Variants in CHD5 observed in about 807,000 individuals in gnomAD.
CHD5 encodes ATP-dependent chromatin remodeler CHD5.
Under a neutral mutation model 230.3 loss-of-function variants are expected in CHD5, and 69 were observed. The ratio of observed to expected loss-of-function variants is 0.30; its 90% confidence interval spans 0.25 to 0.37. CHD5 has a LOEUF of 0.37. Ranked by LOEUF, CHD5 falls within the 10% of genes least tolerant of loss-of-function variation. The pLI is 1.00. For synonymous variants in CHD5, 1,064 were observed against 1,065.9 expected (o/e 1.00, Z 0.03); for missense variants, 1,827 against 2,622.8 (o/e 0.70, Z 6.63).
At chr1:6,169,281 C>T (rs902161606) in intron 1 of CHD5, among the ~76,000 whole-genome samples, 4 of 152,256 alleles carry the variant, frequency 2.6e-5, no homozygotes, top group Non-Finnish European at 2.9e-5. Context: ...AAGCGCATTC[C>T]AGCTGGGCAC....
intron 36 of CHD5, among the ~76,000 whole-genome samples, chr1:6,110,932 G>A (rs1234930808): frequency 6.6e-6 from 1 of 152,192 alleles, no homozygotes; most frequent in African/African-American, 2.4e-5. Flanking sequence ...ATGCTTGTAA[G>A]AAGAGGAAAA....
chr1:6,169,033 A>AAAG (rs1260691628), intron 1 of CHD5, among the ~76,000 whole-genome samples: 1 of 143,766 alleles, frequency 7.0e-6, no homozygotes, highest in African/African-American at 2.8e-5. Context: ...AAAAAAAAAA[A>AAAG]AGAGAGAGAG....
Position 6,148,880 on chromosome 1 carries a change from C to T in CHD5, c.1357G>A (p.Gly453Ser). 1.9e-6 allele frequency: 3 copies of T among 1,581,752 alleles called. No homozygotes were observed. Among genetic ancestry groups the T allele is most frequent in the Non-Finnish European group, 2.6e-6 (3 of 1,163,176 alleles). The change falls in exon 9 of 42, where the codon GGT (glycine) becomes AGT (serine). Residue 453 changes from glycine (G) to serine (S), a missense_variant. Physicochemically the swap from Gly to Ser is moderately conservative, Grantham distance 56. Around this residue, in one of 14 missense-constraint regions of CHD5, gnomAD observed 657 missense variants for 816.4 expected, o/e 0.80. Transcript: ENST00000262450. ...LNPPLPEIPN[G>S]EWLCPRCTCP... ...GTACAGCGCGGGCAGAGCCATTCAC[C>T]GTTTGGGATCTCGGGCAGCGGCGGG...
rs1666613039 is a variant in CHD5 at position 6,129,181 on chromosome 1, A to G, written c.3388-112T>C. ...AATGGGCTGCATGACTGTGTAGGGA[A>G]AGGCGTGTGGTGCGTCCAGGTGTGT... On this transcript the variant is annotated intron_variant, in intron 22 of 41. Transcript: ENST00000262450. The surrounding 1 kb of genome is among the most constrained non-coding windows in gnomAD (Gnocchi z 6.8). 3 of 744,242 alleles carry G rather than the reference A, an allele frequency of 4.0e-6. No individual in the cohort carries two copies. The highest frequency in any genetic ancestry group is 6.7e-6 in the Non-Finnish European group (3 of 446,460). The allele number at this position is 744,242 out of a possible 1,614,324, so 46.1% of individuals were successfully genotyped here. A position where few individuals can be genotyped will look rare whatever the true frequency, so the allele number is the denominator to read the frequency against.
intron 33 of CHD5, among the ~76,000 whole-genome samples, chr1:6,114,499 T>TAC (rs1434518009): frequency 1.5e-5 from 2 of 136,932 alleles, no homozygotes; most frequent in Admixed American, 7.3e-5. Context: ...TATATATATA[T>TAC]ACACATAAAC....
Position 6,134,981 on chromosome 1 carries a change from C to T in CHD5, c.2871-122G>A, listed in dbSNP as rs1408140725. On this transcript the variant is annotated intron_variant, in intron 18 of 41. Coordinates refer to ENST00000262450, the MANE Select transcript of CHD5 (RefSeq NM_015557.3). The surrounding 1 kb of genome is among the most constrained non-coding windows in gnomAD (Gnocchi z 6.3). ...CCCATTTACAGAGAGACCCAAGGGA[C>T]CCCCAAGAGGTGAAGCCACCGGCCT... 1.5e-6 allele frequency: 2 copies of T among 1,314,808 alleles called. No homozygotes were observed. The highest frequency in any genetic ancestry group is 2.0e-5 in the Admixed American group (1 of 50,712). 81.4% of individuals were successfully genotyped at this position (1,314,808 alleles called of 1,614,324 possible). A position where few individuals can be genotyped will look rare whatever the true frequency, so the allele number is the denominator to read the frequency against.
chr1:6,163,288 G>A (rs1667205539), intron 2 of CHD5, among the ~76,000 whole-genome samples: 1 of 152,178 alleles, frequency 6.6e-6, no homozygotes, highest in Admixed American at 6.5e-5. Context: ...CCATCCACCT[G>A]CACTGGGGAA....
At chr1:6,107,746 A>C (rs1305101797) in intron 38 of CHD5, among the ~76,000 whole-genome samples, 4 of 108,746 alleles carry the variant, frequency 3.7e-5, no homozygotes, top group Non-Finnish European at 7.7e-5. Flanking sequence ...ATGATGGATG[A>C]TGGAGAGATG....
At chr1:6,161,854 G>A (rs1667184143) in intron 2 of CHD5, among the ~76,000 whole-genome samples, 1 of 152,182 alleles carries the variant, frequency 6.6e-6, no homozygotes, top group Non-Finnish European at 1.5e-5. Flanking sequence ...CCGGAGGAAG[G>A]GGCCCTGGGT....
In CHD5 at chr1:6,131,926, C is replaced by T. The variant is rs1040003728; in HGVS notation, c.3145-178G>A. Among the ~76,000 whole-genome samples the T allele has an allele frequency of 6.6e-6, 1 of 152,198 alleles. No individual in the cohort carries two copies. The highest frequency in any genetic ancestry group is 2.4e-5 in the African/African-American group (1 of 41,456). ...GAAGAACAAAGCTTCCAACCTCACC[C>T]CTTGGAGCCAATCCATCCTCCTGCC... On this transcript the variant is annotated intron_variant, in intron 20 of 41. Transcript: ENST00000262450. The surrounding 1 kb of genome is among the most constrained non-coding windows in gnomAD (Gnocchi z 5.0).
intron 1 of CHD5, among the ~76,000 whole-genome samples, chr1:6,178,234 C>A (rs953879213): frequency 6.6e-5 from 10 of 152,142 alleles, no homozygotes; most frequent in African/African-American, 2.2e-4. Context: ...CAGAGCCCCG[C>A]CTCTCTGGCC....
intron 33 of CHD5, chr1:6,113,291 C>T (rs1214928881): frequency 2.4e-6 from 1 of 417,144 alleles, no homozygotes; most frequent in Admixed American, 3.5e-5. Flanking sequence ...GGGCTTGGCG[C>T]CATGCGCCTG....
At position 6,134,706 on chromosome 1, in the gene CHD5, G is replaced by A. The variant is rs552601320; in HGVS notation, c.3012+12C>T. Reference sequence around the variant, plus strand: ...TCATGGAGAAGCTGCCATGATGGCCGGGGAAACCTACCACGGCAGCCACAG... The same window carrying A: ...TCATGGAGAAGCTGCCATGATGGCCAGGGAAACCTACCACGGCAGCCACAG... On this transcript the variant is annotated intron_variant, in intron 19 of 41. Coordinates refer to ENST00000262450, the MANE Select transcript of CHD5 (RefSeq NM_015557.3). This position sits in a 1 kb window ranked among gnomAD's most constrained non-coding sequence, Gnocchi z 6.3. The A allele has an allele frequency of 2.7e-5, 43 of 1,613,616 alleles. No homozygotes were observed. The highest frequency in any genetic ancestry group is 1.7e-4 in the Admixed American group (10 of 60,002).
Position 6,146,209 on chromosome 1 carries a change from C to A in CHD5, c.1802+3G>T, listed in dbSNP as rs1295552328. 1.2e-6 allele frequency: 2 copies of A among 1,613,794 alleles called. No individual in the cohort carries two copies. The highest frequency in any genetic ancestry group is 2.7e-5 in the African/African-American group (2 of 74,910). ...GGCAGGGTGGCCGCCTGCAGGCACA[C>A]ACCTATGGTTCAGGATTCGGTGAAT... On this transcript the variant is annotated splice_donor_region_variant and intron_variant, in intron 11 of 41. Transcript: ENST00000262450. This position sits in a 1 kb window ranked among gnomAD's most constrained non-coding sequence, Gnocchi z 5.1.
intron 5 of CHD5, among the ~76,000 whole-genome samples, chr1:6,153,357 G>A (rs1258042863): frequency 6.6e-6 from 1 of 152,236 alleles, no homozygotes; most frequent in East Asian, 1.9e-4. Flanking sequence ...CCCCTCCCGA[G>A]ATCCTGATGG....
In CHD5 at chr1:6,128,266, A is replaced by AG; in HGVS notation, c.3731-49dup. 6.3e-7 allele frequency: 1 copy of AG among 1,583,096 alleles called. No individual in the cohort carries two copies. The highest frequency in any genetic ancestry group is 8.6e-7 in the Non-Finnish European group (1 of 1,157,690). Reference sequence around the variant, plus strand: ...GTGAGGACAAAGACTGCCCTGGTCCAGCCCCGGGGTCCCAGGAACAGACTC... The same window carrying AG: ...GTGAGGACAAAGACTGCCCTGGTCCAGGCCCCGGGGTCCCAGGAACAGACTC... On this transcript the variant is annotated intron_variant, in intron 24 of 41. Coordinates refer to ENST00000262450, the MANE Select transcript of CHD5 (RefSeq NM_015557.3). The surrounding 1 kb of genome is among the most constrained non-coding windows in gnomAD (Gnocchi z 7.8).
intron 7 of CHD5, among the ~76,000 whole-genome samples, chr1:6,150,096 A>G (rs1666978818): frequency 6.6e-6 from 1 of 150,956 alleles, no homozygotes; most frequent in Non-Finnish European, 1.5e-5. Flanking sequence ...AAATGGATGG[A>G]TAGATGGACA....
chr1:6,112,026 C>T (rs900329241), intron 35 of CHD5, 114 bp downstream of exon 35: 26 of 1,420,480 alleles, frequency 1.8e-5, no homozygotes, highest in East Asian at 4.6e-5. Context: ...AAAGGTTATA[C>T]GATGGACTTC....
Position 6,167,442 on chromosome 1 carries a change from T to C in CHD5, c.207+708A>G, listed in dbSNP as rs1211838478. 6.6e-6 allele frequency among the ~76,000 whole-genome samples: 1 copy of C among 152,166 alleles called. No individual in the cohort carries two copies. Among genetic ancestry groups the C allele is most frequent in the African/African-American group, 2.4e-5 (1 of 41,438 alleles). On this transcript the variant is annotated intron_variant, in intron 2 of 41. Transcript: ENST00000262450. The surrounding 1 kb of genome is among the most constrained non-coding windows in gnomAD (Gnocchi z 4.5). ...ATGGTGAGGAAATGGCAGACCTCAG[T>C]GTCCTAGACCAAGTAGGAAGGACTT...
Sources: allele counts gnomAD v4.1 joint callset (sites outside exome capture counted in the v4.1 genomes callset), GRCh38; gene constraint gnomAD v4.1.1; regional missense constraint gnomAD v4.1.1; non-coding constraint Gnocchi (gnomAD v3.1); transcripts MANE v1.5; gene names NCBI Gene and HGNC (gene_info 2026-07-23, HGNC 2026-07-21).